Variants in REDIC1 observed in about 807,000 individuals in gnomAD.
REDIC1 encodes HEI10 Interacting Protein 1.
chr12:39,767,720 G>A, the REDIC1 span, among the ~76,000 whole-genome samples: 5 of 152,060 alleles, frequency 3.3e-5, no homozygotes, highest in African/African-American at 1.2e-4. Context: ...CCACGTTGTG[G>A]GAGAAACCCA....
chr12:39,904,573 G>T, the REDIC1 span, among the ~76,000 whole-genome samples: 1 of 152,054 alleles, frequency 6.6e-6, no homozygotes, highest in South Asian at 2.1e-4. Context: ...CTTCCATGGA[G>T]AAAGCTCTTG....
the REDIC1 span, among the ~76,000 whole-genome samples, chr12:39,895,320 C>A: frequency 3.3e-5 from 5 of 151,322 alleles, no homozygotes; most frequent in African/African-American, 1.2e-4. Flanking sequence ...GAAATCCCGT[C>A]TCTACTAAAA....
the REDIC1 span, among the ~76,000 whole-genome samples, chr12:39,879,150 C>A: frequency 3.3e-5 from 5 of 152,248 alleles, no homozygotes; most frequent in Admixed American, 3.3e-4. Context: ...GCAGCCTCTG[C>A]CAAGATTTTG....
At chr12:39,880,456 G>A in the REDIC1 span, among the ~76,000 whole-genome samples, 1 of 152,028 alleles carries the variant, frequency 6.6e-6, no homozygotes, top group Non-Finnish European at 1.5e-5. Flanking sequence ...TTAAAAGTTA[G>A]AAAAGTAGAA....
the REDIC1 span, among the ~76,000 whole-genome samples, chr12:39,779,255 G>A: frequency 6.6e-6 from 1 of 152,188 alleles, no homozygotes; most frequent in Non-Finnish European, 1.5e-5. Flanking sequence ...GAGTATGTTG[G>A]ATGCAGCATT....
chr12:39,650,225 A>C, the REDIC1 span: 1 of 1,433,486 alleles, frequency 7.0e-7, no homozygotes, highest in Non-Finnish European at 9.3e-7. The surrounding 1 kb of genome is among the most constrained non-coding windows in gnomAD (Gnocchi z 4.3). Context: ...GTTTCTTCAA[A>C]TTTTTTTTTT....
At chr12:39,673,172 C>A in the REDIC1 span, among the ~76,000 whole-genome samples, 1 of 152,148 alleles carries the variant, frequency 6.6e-6, no homozygotes, top group African/African-American at 2.4e-5. Context: ...TGTTTCCTGT[C>A]ACTTCTATGT....
At chr12:39,674,239 AT>A in the REDIC1 span, among the ~76,000 whole-genome samples, 4 of 152,070 alleles carry the variant, frequency 2.6e-5, no homozygotes, top group East Asian at 3.9e-4. Flanking sequence ...TCACTTTGTA[AT>A]TTTTTTCTTC....
At chr12:39,871,965 C>T in the REDIC1 span, 1 of 1,571,954 alleles carries the variant, frequency 6.4e-7, no homozygotes, top group Non-Finnish European at 8.6e-7. Context: ...GTAGTACCTG[C>T]AAAGCAATGA....
the REDIC1 span, among the ~76,000 whole-genome samples, chr12:39,731,316 G>A: frequency 2.0e-5 from 3 of 151,980 alleles, no homozygotes; most frequent in African/African-American, 7.3e-5. Context: ...CTTTGATGTT[G>A]GTGACCTTCG....
At chr12:39,847,494 A>G in the REDIC1 span, among the ~76,000 whole-genome samples, 1 of 152,090 alleles carries the variant, frequency 6.6e-6, no homozygotes, top group African/African-American at 2.4e-5. Flanking sequence ...TTCAGCTGGG[A>G]AGAGCTGCTC....
At chr12:39,870,156 A>G in the REDIC1 span, among the ~76,000 whole-genome samples, 1 of 152,210 alleles carries the variant, frequency 6.6e-6, no homozygotes. Context: ...CCCAGATCTC[A>G]AAGGCCAAAT....
the REDIC1 span, among the ~76,000 whole-genome samples, chr12:39,711,664 T>A: frequency 7.1e-6 from 1 of 140,570 alleles, no homozygotes; most frequent in Non-Finnish European, 1.6e-5. Context: ...TGTATGTCTA[T>A]ACACATGTAT....
chr12:39,701,269 A>G, the REDIC1 span, among the ~76,000 whole-genome samples: 1 of 151,684 alleles, frequency 6.6e-6, no homozygotes, highest in East Asian at 1.9e-4. Flanking sequence ...AAAACAAAAA[A>G]AGGCAGGGGT....
the REDIC1 span, among the ~76,000 whole-genome samples, chr12:39,834,198 TG>T: frequency 5.3e-5 from 8 of 152,130 alleles, no homozygotes; most frequent in African/African-American, 1.9e-4. Context: ...ATCTCTCTTT[TG>T]TTACAGTAAT....
At chr12:39,677,963 A>G in the REDIC1 span, among the ~76,000 whole-genome samples, 1 of 152,174 alleles carries the variant, frequency 6.6e-6, no homozygotes, top group Non-Finnish European at 1.5e-5. Context: ...GAAAGTTAAT[A>G]GCATTAAATG....
the REDIC1 span, chr12:39,759,851 GAAAA>G: frequency 1.8e-6 from 1 of 553,418 alleles, no homozygotes; most frequent in Non-Finnish European, 3.2e-6. Context: ...GTTCCTTGTG[GAAAA>G]AAAAAGTCAT....
the REDIC1 span, among the ~76,000 whole-genome samples, chr12:39,716,530 T>C: frequency 6.6e-6 from 1 of 152,048 alleles, no homozygotes; most frequent in African/African-American, 2.4e-5. Flanking sequence ...TATATACCCT[T>C]ATTTCATTTC....
chr12:39,682,333 T>C, the REDIC1 span, among the ~76,000 whole-genome samples: 1 of 152,098 alleles, frequency 6.6e-6, no homozygotes, highest in Admixed American at 6.6e-5. Flanking sequence ...AAATATACTA[T>C]AGGTTGGTCA....
Sources: gnomAD v4.1 joint callset for allele counts (sites outside exome capture counted in the v4.1 genomes callset) on GRCh38, gnomAD v4.1.1 for gene constraint, Gnocchi (gnomAD v3.1) non-coding constraint, MANE v1.5 for transcripts, NCBI Gene and HGNC (gene_info 2026-07-23, HGNC 2026-07-21) for gene names.